RADIL: variants seen among roughly 807,000 people sequenced by gnomAD.
RADIL encodes the protein ras-associating and dilute domain-containing protein.
A neutral mutation model predicts 97.6 loss-of-function variants in RADIL; 99 were observed. The ratio of observed to expected loss-of-function variants is 1.01; its 90% CI spans 0.86 to 1.20. RADIL has a LOEUF of 1.20. Among genes scored for constraint, RADIL ranks in the 50% most tolerant of loss-of-function variants. The pLI is 0.00. For synonymous variants in RADIL, 803 were observed against 691.8 expected (o/e 1.16, Z -2.52); for missense variants, 1,765 against 1,498.9 (o/e 1.18, Z -2.93).
rs1782684960 is a variant in RADIL, at chr7:4,816,580, C to T, written c.1729-115G>A. 19 of 790,182 alleles carry T rather than the reference C, an allele frequency of 2.4e-5. 1 individual carries two copies. The highest frequency in any genetic ancestry group is 2.3e-4 in the South Asian group (14 of 59,608). The allele number at this position is 790,182 out of a possible 1,614,324, so 48.9% of individuals were successfully genotyped here. A position where few individuals can be genotyped will look rare whatever the true frequency, so the allele number is the denominator to read the frequency against. On this transcript the variant is annotated intron_variant, in intron 7 of 14. Coordinates refer to ENST00000399583, the MANE Select transcript of RADIL (RefSeq NM_018059.5). ...CGCACTGCTTGCAGGGACCCGGCCT[C>T]GGTAGCTTCCTGCTGGACAGGCCAT... is the stretch of plus-strand genomic sequence containing the variant.
Position 4,799,331 on chromosome 7 carries a change from C to T in RADIL, c.*47G>A, listed in dbSNP as rs778999879. ...AAGGCGGGAGGAAGCCCAGTGTCAC[C>T]AGGTGGGACCGGGTGCCGGGCCTGT... On this transcript the variant is annotated 3_prime_UTR_variant, in exon 15 of 15. Transcript: ENST00000399583. 4 of 1,586,064 alleles carry T rather than the reference C, an allele frequency of 2.5e-6. No individual in the cohort carries two copies. In the South Asian group the frequency reaches 4.4e-5, roughly 18 times the overall value.
At chr7:4,851,449 G>C (rs1185992516) in intron 2 of RADIL, among the ~76,000 whole-genome samples, 1 of 152,178 alleles carries the variant, frequency 6.6e-6, no homozygotes, top group Non-Finnish European at 1.5e-5. Context: ...AATCACCTCA[G>C]AGAAAGGCAA....
chr7:4,835,864 G>A lies in RADIL; in HGVS notation c.783+494C>T, dbSNP rs1783284339. Among the ~76,000 whole-genome samples, 1 of 152,244 alleles carries A rather than the reference G, an allele frequency of 6.6e-6. No homozygotes were observed. Among genetic ancestry groups the A allele is most frequent in the East Asian group, 1.9e-4 (1 of 5,202 alleles). On this transcript the variant is annotated intron_variant, in intron 3 of 14. Transcript: ENST00000399583. The surrounding 1 kb of genome is among the most constrained non-coding windows in gnomAD (Gnocchi z 5.8). ...GCCCTGCGCCTGGCATTTGCTCGGGGCGACAGCCTGCCTGCTCTGATGGAA... is the reference window on the plus strand; with the variant it reads ...GCCCTGCGCCTGGCATTTGCTCGGGACGACAGCCTGCCTGCTCTGATGGAA...
intron 2 of RADIL, among the ~76,000 whole-genome samples, chr7:4,864,783 C>T (rs1000191450): frequency 2.0e-5 from 3 of 152,208 alleles, no homozygotes; most frequent in Non-Finnish European, 4.4e-5. Flanking sequence ...TAACTCTAGT[C>T]CAAGCCACCA....
At chr7:4,861,818 C>T in intron 2 of RADIL, 1 of 1,422,488 alleles carries the variant, frequency 7.0e-7, no homozygotes, top group Admixed American at 3.0e-5. Flanking sequence ...CATCTTTCAG[C>T]GCCCGCCCCG....
rs751905042 is a variant in RADIL, at chr7:4,836,394, C to T, written c.747G>A (p.Pro249=). The T allele has an allele frequency of 3.7e-5, 59 of 1,576,380 alleles. No homozygotes were observed. The highest frequency in any genetic ancestry group is 1.3e-4 in the African/African-American group (10 of 74,132). The stretch of plus-strand genomic sequence containing the variant: ...TGTAGCCCTGCAGAAGGAGCAGATG[C>T]GGGGACTGGTACAGCGAGTACCGCA... ...DAMRYSLYQS[P]HLLLLQGYSQ... is the part of the protein sequence containing the mutation. The change falls in exon 3 of 15, where the codon CCG becomes CCA. Residue 249 remains proline (P), a synonymous_variant. Coordinates refer to ENST00000399583, the MANE Select transcript of RADIL (RefSeq NM_018059.5).
chr7:4,835,309 T>G lies in RADIL; in HGVS notation c.784-70A>C, dbSNP rs147944465. The G allele has an allele frequency of 1.2e-4, 189 of 1,551,222 alleles. 2 individuals are homozygous for G. In the East Asian group the frequency reaches 4.5e-3, roughly 37 times the overall value. On this transcript the variant is annotated intron_variant, in intron 3 of 14. Transcript: ENST00000399583. This position sits in a 1 kb window ranked among gnomAD's most constrained non-coding sequence, Gnocchi z 5.8. ...CACGGGAAAAGCGTCCCGTGTCTAG[T>G]CACTGGTTGCTGAAGCAGCGTGGCT...
chr7:4,799,546 G>A, intron 14 of RADIL, 63 bp from the exon 15 acceptor site: 1 of 1,612,160 alleles, frequency 6.2e-7, no homozygotes, highest in Non-Finnish European at 8.5e-7. Context: ...ACAGGGTGCA[G>A]CCGGGCCTCT....
intron 4 of RADIL, among the ~76,000 whole-genome samples, chr7:4,832,792 T>C (rs1452530577): frequency 1.3e-5 from 2 of 151,650 alleles, no homozygotes; most frequent in East Asian, 3.9e-4. Flanking sequence ...TAGTAAGTTA[T>C]TATCCGGCTG....
At chr7:4,833,888 T>C (rs948364229) in intron 4 of RADIL, among the ~76,000 whole-genome samples, 7 of 152,150 alleles carry the variant, frequency 4.6e-5, no homozygotes, top group Non-Finnish European at 8.8e-5. Context: ...CCTGGGGACA[T>C]TGGCAATGCC....
intron 2 of RADIL, chr7:4,860,481 G>A: frequency 1.9e-6 from 3 of 1,614,044 alleles, no homozygotes; most frequent in South Asian, 2.2e-5. Flanking sequence ...GGCTTTTTTA[G>A]CCCTAACCCA....
chr7:4,808,824 G>A (rs1306222023), intron 9 of RADIL: 1 of 956,706 alleles, frequency 1.0e-6, no homozygotes, highest in East Asian at 1.2e-4. Flanking sequence ...TCCTTCCGAC[G>A]CCACTGCCCC....
Position 4,880,136 on chromosome 7 carries a change from G to T in RADIL, c.-64-1933C>A, listed in dbSNP as rs1036548297. Among the ~76,000 whole-genome samples, 1 of 152,134 alleles carries T rather than the reference G, an allele frequency of 6.6e-6. No homozygotes were observed. The highest frequency in any genetic ancestry group is 2.4e-5 in the African/African-American group (1 of 41,432). On this transcript the variant is annotated intron_variant, in intron 1 of 14. Coordinates refer to ENST00000399583, the MANE Select transcript of RADIL (RefSeq NM_018059.5). The surrounding 1 kb of genome is among the most constrained non-coding windows in gnomAD (Gnocchi z 4.5). ...GGCTTTCTGAAGAGGTGAATTTGCT[G>T]TAACAGGTCACGGAGTTCCCAGTAC...
chr7:4,883,444 C>T lies in RADIL; in HGVS notation c.-65+152G>A, dbSNP rs970319176. ...CCAGTCGGTTCCCATGGCAACTGGG[C>T]AAACCTGCCCTCCGCGCCCCGACCA... On this transcript the variant is annotated intron_variant, in intron 1 of 14. Coordinates refer to ENST00000399583, the MANE Select transcript of RADIL (RefSeq NM_018059.5). This position sits in a 1 kb window ranked among gnomAD's most constrained non-coding sequence, Gnocchi z 7.1. Among the ~76,000 whole-genome samples the T allele has an allele frequency of 8.6e-5, 13 of 152,036 alleles. No homozygotes were observed. Among genetic ancestry groups the T allele is most frequent in the African/African-American group, 3.1e-4 (13 of 41,430 alleles).
At position 4,875,044 on chromosome 7, in the gene RADIL, T is replaced by G. The variant is rs565978513; in HGVS notation, c.535+2561A>C. 3.3e-5 allele frequency among the ~76,000 whole-genome samples: 5 copies of G among 149,784 alleles called. 1 individual carries two copies. The South Asian group carries it at 1.0e-3, about 31-fold the overall frequency. ...CGTGTCTACTAAAAATACAAAAAATTAGCCGGGCGTGGTGGCGGGCGCCTG... is the reference window on the plus strand; with the variant it reads ...CGTGTCTACTAAAAATACAAAAAATGAGCCGGGCGTGGTGGCGGGCGCCTG... On this transcript the variant is annotated intron_variant, in intron 2 of 14. Transcript: ENST00000399583.
intron 6 of RADIL, among the ~76,000 whole-genome samples, chr7:4,820,237 G>A (rs1055451049): frequency 1.3e-5 from 2 of 152,222 alleles, no homozygotes; most frequent in Admixed American, 1.3e-4. Flanking sequence ...CCACCTGCCG[G>A]CTGCAAATCC....
intron 2 of RADIL, among the ~76,000 whole-genome samples, chr7:4,875,502 C>T (rs1168079360): frequency 6.6e-6 from 1 of 152,180 alleles, no homozygotes; most frequent in African/African-American, 2.4e-5. Context: ...GTGAAGACGG[C>T]GGGCCTTCCC....
rs1239643381 is a variant in RADIL, at chr7:4,813,541, G to A, written c.2139+1737C>T. Among the ~76,000 whole-genome samples the A allele has an allele frequency of 7.9e-5, 12 of 152,220 alleles. No homozygotes were observed. Among genetic ancestry groups the A allele is most frequent in the Non-Finnish European group, 1.8e-4 (12 of 68,042 alleles). ...CCTCCTGTGAGATGGCCAGTGCTGTGCTGTTCCAGTTTCTGTTTCCCCACC... is the reference window on the plus strand; with the variant it reads ...CCTCCTGTGAGATGGCCAGTGCTGTACTGTTCCAGTTTCTGTTTCCCCACC... On this transcript the variant is annotated intron_variant, in intron 9 of 14. Coordinates refer to ENST00000399583, the MANE Select transcript of RADIL (RefSeq NM_018059.5). The surrounding 1 kb of genome is among the most constrained non-coding windows in gnomAD (Gnocchi z 5.0).
At position 4,799,477 on chromosome 7, in the gene RADIL, C is replaced by T. The variant is rs779534560; in HGVS notation, c.3129G>A (p.Val1043=). Residue 1043 remains valine (V), a synonymous_variant, in exon 15 of 15, where the codon GTG becomes GTA. Transcript: ENST00000399583. The part of the protein sequence containing the change: ...SLLGLGYLRA[V]DLIRHGGKKM... ...TCTTCCCGCCATGACGGATCAGGTCCACAGCTCTGAAATCCATGCCAGAGG... is the reference window on the plus strand; with the variant it reads ...TCTTCCCGCCATGACGGATCAGGTCTACAGCTCTGAAATCCATGCCAGAGG... The T allele has an allele frequency of 6.2e-7, 1 of 1,613,958 alleles. No individual in the cohort carries two copies. Among genetic ancestry groups the T allele is most frequent in the African/African-American group, 1.3e-5 (1 of 75,058 alleles).
Sources: allele counts gnomAD v4.1 joint callset (sites outside exome capture counted in the v4.1 genomes callset), GRCh38; gene constraint gnomAD v4.1.1; non-coding constraint Gnocchi (gnomAD v3.1); transcripts MANE v1.5; gene names NCBI Gene and HGNC (gene_info 2026-07-23, HGNC 2026-07-21).